The following IL21R variants were observed in gnomAD, a reference collection of about 807,000 sequenced individuals.
The protein encoded by IL21R is interleukin-21 receptor.
Under a neutral mutation model 41.3 loss-of-function variants are expected in IL21R, and 14 were observed. The observed-to-expected ratio is 0.34, with a 90% confidence interval of 0.22 to 0.53. The LOEUF (loss-of-function observed/expected upper bound fraction) is 0.53, where lower values mean the gene tolerates loss of function less well. IL21R is among the 20% of genes least tolerant of loss of function. IL21R has a pLI of 0.94. For missense variants in IL21R, 588 were observed against 681.6 expected (o/e 0.86, Z 1.53); for synonymous variants, 286 against 287.6 (o/e 0.99, Z 0.05).
rs1596601404 is a variant in IL21R at position 27,449,449 on chromosome 16, T to C, written c.*166T>C. On this transcript the variant is annotated 3_prime_UTR_variant, in exon 9 of 9. Transcript: ENST00000337929. ...GTGTGTGTGTGCATATGTGTGTGTGTGCATATGCATGTGTGTGTGTGTGTG... is the reference window on the plus strand; with the variant it reads ...GTGTGTGTGTGCATATGTGTGTGTGCGCATATGCATGTGTGTGTGTGTGTG... The C allele has an allele frequency of 1.5e-6, 1 of 661,076 alleles. No individual in the cohort carries two copies. The highest frequency in any genetic ancestry group is 2.5e-6 in the Non-Finnish European group (1 of 398,198). The allele number at this position is 661,076 out of a possible 1,614,324, so 41.0% of individuals were successfully genotyped here.
chr16:27,428,798 C>T (rs1398818023), intron 1 of IL21R, among the ~76,000 whole-genome samples: 2 of 152,238 alleles, frequency 1.3e-5, no homozygotes, highest in Non-Finnish European at 2.9e-5. Flanking sequence ...GATTTCCTAG[C>T]ATGCTCCCGA....
intron 1 of IL21R, among the ~76,000 whole-genome samples, chr16:27,414,278 G>A (rs1021540594): frequency 7.9e-5 from 12 of 151,642 alleles, no homozygotes; most frequent in Non-Finnish European, 1.6e-4. Context: ...TTTATTAAAT[G>A]TGCTTTCTGA....
In IL21R at chr16:27,449,285, G is replaced by A; in HGVS notation, c.*2G>A. On this transcript the variant is annotated 3_prime_UTR_variant, in exon 9 of 9. Coordinates refer to ENST00000337929, the MANE Select transcript of IL21R (RefSeq NM_181078.3). The stretch of plus-strand genomic sequence containing the variant: ...AGCCCTGGACCCCAGGCCAGCTAAT[G>A]AGGCTGACTGGATGTCCAGAGCTGG... The A allele has an allele frequency of 6.3e-7, 1 of 1,586,384 alleles. No homozygotes were observed. Among genetic ancestry groups the A allele is most frequent in the Admixed American group, 1.7e-5 (1 of 58,192 alleles).
chr16:27,431,641 G>A (rs2087173709), intron 2 of IL21R, among the ~76,000 whole-genome samples: 1 of 151,998 alleles, frequency 6.6e-6, no homozygotes. Context: ...TGATTCCGGT[G>A]AGGGGCCCAT....
In IL21R at chr16:27,427,384, G is replaced by A. The variant is rs1429325770; in HGVS notation, c.-16-2672G>A. ...GAGGTAAGAAATTAGGAGGGATGAG[G>A]AGTTTTTTGTTTGTCTGTTTGTTTT... On this transcript the variant is annotated intron_variant, in intron 1 of 8. Transcript: ENST00000337929. The A allele has an allele frequency of 1.4e-5, 13 of 938,808 alleles. No homozygotes were observed. In the South Asian group the frequency reaches 6.4e-4, roughly 46 times the overall value. The allele number at this position is 938,808 out of a possible 1,614,324, so 58.2% of individuals were successfully genotyped here.
chr16:27,449,254 C>T lies in IL21R; in HGVS notation c.1588C>T (p.Leu530Phe), dbSNP rs1481287295. 6.2e-7 allele frequency: 1 copy of T among 1,607,848 alleles called. No individual in the cohort carries two copies. The highest frequency in any genetic ancestry group is 8.5e-7 in the Non-Finnish European group (1 of 1,177,370). The change falls in exon 9 of 9, where the codon CTT (leucine) becomes TTT (phenylalanine). Residue 530 changes from leucine (L) to phenylalanine (F), a missense_variant. Leu to Phe is a conservative substitution (Grantham distance 22, BLOSUM62 0). Coordinates refer to ENST00000337929, the MANE Select transcript of IL21R (RefSeq NM_181078.3). ...CCAGTGGGTGGTCATTCCTCCGCCA[C>T]TTTCGAGCCCTGGACCCCAGGCCAG... ...LRQWVVIPPP[L>F]SSPGPQAS is the part of the protein sequence containing the mutation.
intron 8 of IL21R, chr16:27,448,292 T>C (rs1274792707): frequency 6.1e-6 from 3 of 494,786 alleles, no homozygotes; most frequent in Non-Finnish European, 1.1e-5. Context: ...ACGTCTCTAC[T>C]AAAAATACAA....
At chr16:27,427,874 A>G (rs186785092) in intron 1 of IL21R, among the ~76,000 whole-genome samples, 7 of 152,208 alleles carry the variant, frequency 4.6e-5, no homozygotes, top group Admixed American at 1.3e-4. Flanking sequence ...TCCTAAAAGC[A>G]GGTTGAAACT....
At chr16:27,444,499 T>C in intron 5 of IL21R, 43 bp from the exon 6 acceptor site, 2 of 1,392,222 alleles carry the variant, frequency 1.4e-6, no homozygotes, top group Non-Finnish European at 1.9e-6. Context: ...GGGGCTGGCC[T>C]GGTTTAACCC....
chr16:27,444,635 C>A lies in IL21R; in HGVS notation c.601C>A (p.Arg201=). Reference sequence around the variant, plus strand: ...AGACTCGAGCTATGAGCTGCAGGTGCGGGCAGGGCCCATGCCTGGCTCCTC... The same window carrying A: ...AGACTCGAGCTATGAGCTGCAGGTGAGGGCAGGGCCCATGCCTGGCTCCTC... ...RKDSSYELQV[R]AGPMPGSSYQ... Residue 201 remains arginine (R), a synonymous_variant, in exon 6 of 9, where the codon CGG becomes AGG. Transcript: ENST00000337929. The A allele has an allele frequency of 1.9e-6, 3 of 1,587,852 alleles. No homozygotes were observed. Among genetic ancestry groups the A allele is most frequent in the African/African-American group, 2.7e-5 (2 of 73,658 alleles).
chr16:27,408,709 T>C (rs1259917070), intron 1 of IL21R, among the ~76,000 whole-genome samples: 2 of 152,012 alleles, frequency 1.3e-5, no homozygotes, highest in African/African-American at 4.8e-5. Context: ...TTCTGGGGAG[T>C]CCCTCTTCGC....
intron 4 of IL21R, among the ~76,000 whole-genome samples, chr16:27,440,248 T>TATAGAGAGAGAGAGAGAG (rs1352160946): frequency 2.0e-4 from 13 of 64,042 alleles, no homozygotes; most frequent in South Asian, 5.0e-4. Context: ...TATATATATA[T>TATAGAGAGAGAGAGAGAG]AGAGAGAGAG....
chr16:27,437,880 T>A (rs2087302367), intron 4 of IL21R, among the ~76,000 whole-genome samples, 193 bp downstream of exon 4: 1 of 152,092 alleles, frequency 6.6e-6, no homozygotes, highest in African/African-American at 2.4e-5. Context: ...CCCAGGCCAG[T>A]CTCGAACTCC....
At chr16:27,431,723 T>C (rs1001206556) in intron 2 of IL21R, among the ~76,000 whole-genome samples, 1 of 151,962 alleles carries the variant, frequency 6.6e-6, no homozygotes, top group African/African-American at 2.4e-5. Context: ...CAATCTTGGC[T>C]CACTGCAACC....
intron 4 of IL21R, among the ~76,000 whole-genome samples, chr16:27,438,762 C>T (rs998508934): frequency 6.6e-6 from 1 of 151,712 alleles, no homozygotes; most frequent in Non-Finnish European, 1.5e-5. Context: ...CCCGGCTACT[C>T]GGGAGGCTGA....
chr16:27,424,825 C>T (rs2087049195), intron 1 of IL21R, among the ~76,000 whole-genome samples: 2 of 152,164 alleles, frequency 1.3e-5, no homozygotes, highest in Admixed American at 6.5e-5. Flanking sequence ...TTAATTGGCT[C>T]ATGGTTCTGC....
At chr16:27,444,477 C>G (rs937599119) in intron 5 of IL21R, 65 bp from the exon 6 acceptor site, 1 of 1,188,746 alleles carries the variant, frequency 8.4e-7, no homozygotes, top group Non-Finnish European at 1.1e-6. Flanking sequence ...AGAGGTGGCT[C>G]TGCTGGAGGC....
chr16:27,426,414 T>A (rs2141279010), intron 1 of IL21R, among the ~76,000 whole-genome samples: 1 of 152,280 alleles, frequency 6.6e-6, no homozygotes, highest in Middle Eastern at 3.4e-3. Flanking sequence ...TCAAACGCAA[T>A]AGGCTAGTGG....
Position 27,445,178 on chromosome 16 carries a change from G to A in IL21R, c.687G>A (p.Glu229=). 2 of 1,610,266 alleles carry A rather than the reference G, an allele frequency of 1.2e-6. No individual in the cohort carries two copies. The highest frequency in any genetic ancestry group is 1.7e-6 in the Non-Finnish European group (2 of 1,176,622). ...DPVIFQTQSE[E]LKEGWNPHLL... The stretch of plus-strand genomic sequence containing the variant: ...ACCCTTTCTTTGCTTCCTTCCCAGA[G>A]TTAAAGGAAGGCTGGAACCCTCACC... Residue 229 remains glutamate, a splice_region_variant and synonymous_variant, in exon 7 of 9, where the codon GAG becomes GAA. Transcript: ENST00000337929.
Sources: gnomAD v4.1 joint callset for allele counts (sites outside exome capture counted in the v4.1 genomes callset) on GRCh38, gnomAD v4.1.1 for gene constraint, MANE v1.5 for transcripts, NCBI Gene and HGNC (gene_info 2026-07-23, HGNC 2026-07-21) for gene names.